PRKG2: variants seen among roughly 807,000 people sequenced by gnomAD.
The protein encoded by PRKG2 is cGMP-dependent protein kinase 2.
PRKG2 carries 33 observed loss-of-function variants against 97.2 expected under a neutral mutation model. The observed-to-expected ratio is 0.34, with a 90% CI of 0.26 to 0.45. The LOEUF is 0.45. Among genes scored for constraint, PRKG2 ranks in the 20% least tolerant of loss-of-function variants. The probability of loss-of-function intolerance (pLI) is 1.00; values close to 1 mark genes in which losing one functional copy is unlikely to be tolerated. For missense variants in PRKG2, 638 were observed against 900.0 expected, an observed-to-expected ratio of 0.71 and a Z score of 3.73; for synonymous variants, 330 against 321.8, an observed-to-expected ratio of 1.03 and a Z score of -0.27.
At chr4:81,108,538 G>A (rs954399861) in intron 15 of PRKG2, among the ~76,000 whole-genome samples, 1 of 146,728 alleles carries the variant, frequency 6.8e-6, no homozygotes, top group Non-Finnish European at 1.5e-5. Context: ...GGCATTTAAA[G>A]TTAACCTTTC....
At chr4:81,130,515 T>C (rs1746066846) in intron 14 of PRKG2, among the ~76,000 whole-genome samples, 1 of 152,088 alleles carries the variant, frequency 6.6e-6, no homozygotes, top group African/African-American at 2.4e-5. Flanking sequence ...GAGCTCGAGC[T>C]CTGTTCTGGG....
Position 81,167,371 on chromosome 4 carries a change from A to G in PRKG2, c.849-147T>C, listed in dbSNP as rs1049550592. On this transcript the variant is annotated intron_variant, in intron 5 of 18. Coordinates refer to ENST00000264399, the MANE Select transcript of PRKG2 (RefSeq NM_006259.3). Reference sequence around the variant, plus strand: ...AGTAAATGTCCAAATAACTGAAAACACATCAATAACTGAATTTCATATACA... The same window carrying G: ...AGTAAATGTCCAAATAACTGAAAACGCATCAATAACTGAATTTCATATACA... The G allele has an allele frequency of 2.2e-5, 11 of 505,962 alleles. No individual in the cohort carries two copies. In the Admixed American group the frequency reaches 3.2e-4, roughly 15 times the overall value. The allele number at this position is 505,962 out of a possible 1,614,324, so 31.3% of individuals were successfully genotyped here. A position where few individuals can be genotyped will look rare whatever the true frequency, so the allele number is the denominator to read the frequency against.
At chr4:81,186,205 C>T (rs901696784) in intron 2 of PRKG2, among the ~76,000 whole-genome samples, 8 of 151,962 alleles carry the variant, frequency 5.3e-5, no homozygotes, top group Admixed American at 6.6e-5. Flanking sequence ...ATTCTAAAAT[C>T]GACCACATAA....
chr4:81,216,835 T>C (rs1348462082), upstream of PRKG2, among the ~76,000 whole-genome samples: 2 of 151,522 alleles, frequency 1.3e-5, no homozygotes, highest in Non-Finnish European at 2.9e-5. Flanking sequence ...TCTAGTTCCA[T>C]CCATGTTGCT....
At chr4:81,107,135 T>C (rs1324898344) in intron 15 of PRKG2, among the ~76,000 whole-genome samples, 1 of 152,174 alleles carries the variant, frequency 6.6e-6, no homozygotes, top group African/African-American at 2.4e-5. Flanking sequence ...AGTTATTTCC[T>C]AAGAGGAGAA....
At chr4:81,204,417 C>A (rs372398582) in intron 2 of PRKG2, among the ~76,000 whole-genome samples, 170 bp downstream of exon 2, 3 of 152,156 alleles carry the variant, frequency 2.0e-5, no homozygotes, top group Admixed American at 6.5e-5. Context: ...CTTTAAACTT[C>A]TGCCCAATGG....
At chr4:81,136,929 T>C (rs1746763196) in intron 13 of PRKG2, among the ~76,000 whole-genome samples, 1 of 152,228 alleles carries the variant, frequency 6.6e-6, no homozygotes, top group Admixed American at 6.5e-5. Flanking sequence ...TGAAGCCTTT[T>C]ACATAGGTGG....
chr4:81,110,371 A>G (rs986861917), intron 15 of PRKG2, 77 bp downstream of exon 15: 5 of 1,426,526 alleles, frequency 3.5e-6, no homozygotes, highest in Admixed American at 2.2e-5. Context: ...CTCTTAAAGT[A>G]TATACACTTT....
chr4:81,142,114 T>C (rs75224315), intron 11 of PRKG2, among the ~76,000 whole-genome samples: 13,022 of 152,170 alleles, frequency 0.086, 1,899 homozygotes, highest in African/African-American at 0.3. Flanking sequence ...ACATTTTCCT[T>C]AGAATACTTG....
At chr4:81,128,771 A>G (rs776666796) in intron 14 of PRKG2, among the ~76,000 whole-genome samples, 3 of 151,970 alleles carry the variant, frequency 2.0e-5, no homozygotes, top group Non-Finnish European at 4.4e-5. Context: ...TTTTCAAGAA[A>G]CCAGCTCCTA....
At chr4:81,103,208 G>A (rs1375980339) in intron 17 of PRKG2, among the ~76,000 whole-genome samples, 5 of 152,036 alleles carry the variant, frequency 3.3e-5, no homozygotes, top group African/African-American at 7.2e-5. Context: ...TGTGCACAAC[G>A]TGCAGGTGTG....
At position 81,126,153 on chromosome 4, in the gene PRKG2, T is replaced by G. The variant is rs1476392503; in HGVS notation, c.1776+9002A>C. On this transcript the variant is annotated intron_variant, in intron 14 of 18. Transcript: ENST00000264399. The stretch of plus-strand genomic sequence containing the variant: ...TTTGGTTTTCTGTTCCTGTGTTAAT[T>G]TGCTGAGAATGACGGTTTCCAGCTT... 2.0e-5 allele frequency among the ~76,000 whole-genome samples: 3 copies of G among 152,306 alleles called. No homozygotes were observed. In the East Asian group the frequency reaches 5.8e-4, roughly 29 times the overall value.
chr4:81,100,717 A>G (rs1320054847), intron 17 of PRKG2, among the ~76,000 whole-genome samples: 59 of 152,202 alleles, frequency 3.9e-4, no homozygotes, highest in Middle Eastern at 6.8e-3. Context: ...TTGACAAATG[A>G]GATCTAATTA....
intron 12 of PRKG2, 109 bp downstream of exon 12, chr4:81,140,424 C>G (rs1747164870): frequency 1.1e-6 from 1 of 941,946 alleles, no homozygotes; most frequent in Non-Finnish European, 1.4e-6. Context: ...AATATATATG[C>G]CTACTATGTA....
At chr4:81,199,618 T>G (rs1304123449) in intron 2 of PRKG2, among the ~76,000 whole-genome samples, 1 of 152,198 alleles carries the variant, frequency 6.6e-6, no homozygotes, top group Admixed American at 6.5e-5. Context: ...ATTAAATGAT[T>G]CAGTATTTGC....
At chr4:81,189,800 C>T (rs1752316071) in intron 2 of PRKG2, among the ~76,000 whole-genome samples, 1 of 151,754 alleles carries the variant, frequency 6.6e-6, no homozygotes, top group Admixed American at 6.6e-5. Flanking sequence ...GACAGAGAGC[C>T]AAATCATGAG....
intron 6 of PRKG2, among the ~76,000 whole-genome samples, chr4:81,155,911 A>C (rs1578437541): frequency 1.3e-5 from 2 of 151,970 alleles, no homozygotes; most frequent in African/African-American, 2.4e-5. Flanking sequence ...GCCTGCCCTA[A>C]AAGAGCTCCT....
chr4:81,156,058 G>A (rs1188841432), intron 6 of PRKG2, among the ~76,000 whole-genome samples: 1 of 151,752 alleles, frequency 6.6e-6, no homozygotes, highest in African/African-American at 2.4e-5. Context: ...CATAATGACA[G>A]GATCAAATTC....
intron 14 of PRKG2, 118 bp from the exon 15 acceptor site, chr4:81,110,729 A>G (rs1578354999): frequency 7.6e-6 from 4 of 527,102 alleles, no homozygotes; most frequent in African/African-American, 2.7e-5. Flanking sequence ...TATACCATGC[A>G]CACACACACA....
Sources: gnomAD v4.1 joint callset for allele counts (sites outside exome capture counted in the v4.1 genomes callset) on GRCh38, gnomAD v4.1.1 for gene constraint, MANE v1.5 for transcripts, NCBI Gene and HGNC (gene_info 2026-07-23, HGNC 2026-07-21) for gene names.